Variants in ARIH1 observed in about 807,000 individuals in gnomAD.
ARIH1 encodes E3 ubiquitin-protein ligase ARIH1.
A neutral mutation model predicts 85.0 loss-of-function variants in ARIH1; 8 were observed. The ratio of observed to expected loss-of-function variants is 0.09; its 90% confidence interval spans 0.06 to 0.17. The LOEUF (loss-of-function observed/expected upper bound fraction) is 0.17. Among genes scored for constraint, ARIH1 ranks in the 10% least tolerant of loss-of-function variants. The pLI, the probability that ARIH1 is intolerant of heterozygous loss-of-function variation, is 1.00. For synonymous variants in ARIH1, 238 were observed against 253.6 expected (o/e 0.94, Z 0.59); for missense variants, 311 against 718.1 (o/e 0.43, Z 6.48).
intron 1 of ARIH1, among the ~76,000 whole-genome samples, chr15:72,514,727 C>T (rs145185724): frequency 1.4e-3 from 204 of 148,040 alleles, no homozygotes; most frequent in South Asian, 0.013. Flanking sequence ...GGATTTTGGC[C>T]AGGCGCAGTG....
At chr15:72,476,538 G>A (rs1030863584) in intron 1 of ARIH1, among the ~76,000 whole-genome samples, 7 of 151,788 alleles carry the variant, frequency 4.6e-5, no homozygotes, top group East Asian at 1.9e-4. Flanking sequence ...CTAATTTTTT[G>A]TATTTTTAGT....
Position 72,587,492 on chromosome 15 carries a change from T to C in ARIH1, c.*4200T>C, listed in dbSNP as rs1310729980. ...AGTAATTTGCAGTTGTTGGTTTAGT[T>C]ATTCAAATGAATTTCCATTGTAAAG... On this transcript the variant is annotated 3_prime_UTR_variant, in exon 14 of 14. Coordinates refer to ENST00000379887, the MANE Select transcript of ARIH1 (RefSeq NM_005744.5). The C allele has an allele frequency of 3.8e-6, 1 of 265,314 alleles. No homozygotes were observed. Among genetic ancestry groups the C allele is most frequent in the Non-Finnish European group, 7.4e-6 (1 of 135,464 alleles). The allele number at this position is 265,314 out of a possible 1,614,324, so 16.4% of individuals were successfully genotyped here. A position where few individuals can be genotyped will look rare whatever the true frequency, so the allele number is the denominator to read the frequency against.
intron 11 of ARIH1, among the ~76,000 whole-genome samples, chr15:72,579,810 T>A (rs2064288114): frequency 6.6e-6 from 1 of 152,188 alleles, no homozygotes; most frequent in Non-Finnish European, 1.5e-5. Flanking sequence ...TTTTAAATTA[T>A]TAATATTTTT....
At chr15:72,569,758 A>G (rs994809707) in intron 9 of ARIH1, among the ~76,000 whole-genome samples, 3 of 152,176 alleles carry the variant, frequency 2.0e-5, no homozygotes, top group Admixed American at 6.6e-5. Context: ...TGTTATTACT[A>G]TATATATGAC....
chr15:72,554,353 A>G lies in ARIH1; in HGVS notation c.589-918A>G, dbSNP rs990019240. Among the ~76,000 whole-genome samples, 8 of 152,042 alleles carry G rather than the reference A, an allele frequency of 5.3e-5. No individual in the cohort carries two copies. The South Asian group carries it at 8.3e-4, about 16-fold the overall frequency. ...CCATCAACAGTGTACGAAGGCTCCA[A>G]TTTTTCTACATCCTCACCAACACTT... On this transcript the variant is annotated intron_variant, in intron 3 of 13. Transcript: ENST00000379887.
intron 2 of ARIH1, among the ~76,000 whole-genome samples, chr15:72,535,202 C>T (rs921649284): frequency 2.5e-4 from 38 of 151,990 alleles, no homozygotes; most frequent in African/African-American, 7.7e-4. Context: ...CCACCCGCCT[C>T]GGCCTCCCAA....
At chr15:72,510,645 C>G (rs3109087) in intron 1 of ARIH1, among the ~76,000 whole-genome samples, 1 of 131,888 alleles carries the variant, frequency 7.6e-6, no homozygotes, top group South Asian at 2.4e-4. Context: ...GCTGAGGCAG[C>G]AGAATGATGT....
chr15:72,563,557 T>C (rs1567357251), intron 7 of ARIH1, 57 bp downstream of exon 7: 9 of 1,440,886 alleles, frequency 6.2e-6, no homozygotes, highest in Non-Finnish European at 8.8e-6. Context: ...ATTTCTCCTG[T>C]TTATTCTTGG....
chr15:72,548,694 T>C (rs1404458991), intron 3 of ARIH1, among the ~76,000 whole-genome samples: 1 of 152,206 alleles, frequency 6.6e-6, no homozygotes, highest in African/African-American at 2.4e-5. Context: ...TGGAAGTAAA[T>C]GTCACCTGAA....
At chr15:72,546,426 G>GTA (rs1272007326) in intron 3 of ARIH1, among the ~76,000 whole-genome samples, 3 of 152,152 alleles carry the variant, frequency 2.0e-5, no homozygotes, top group Non-Finnish European at 4.4e-5. Context: ...AGTTCTGATC[G>GTA]TAACTCTAAC....
rs537073896 is a variant in ARIH1 at position 72,557,856 on chromosome 15, T to C, written c.737+1949T>C. The stretch of plus-strand genomic sequence containing the variant: ...AATTTGGCGCTTACCTTGAATGTTA[T>C]TGGTATATATTAAATGCTACTGAAT... On this transcript the variant is annotated intron_variant, in intron 5 of 13. Transcript: ENST00000379887. Among the ~76,000 whole-genome samples the C allele has an allele frequency of 1.5e-4, 23 of 152,324 alleles. No homozygotes were observed. The South Asian group carries it at 4.4e-3, about 29-fold the overall frequency.
chr15:72,540,586 G>C (rs1248179212), intron 2 of ARIH1, among the ~76,000 whole-genome samples: 2 of 152,058 alleles, frequency 1.3e-5, no homozygotes, highest in African/African-American at 4.8e-5. Flanking sequence ...TGGATTTTTA[G>C]CTTCCCACTC....
At chr15:72,521,018 A>AT (rs2063997235) in intron 2 of ARIH1, among the ~76,000 whole-genome samples, 1 of 151,402 alleles carries the variant, frequency 6.6e-6, no homozygotes, top group East Asian at 1.9e-4. Context: ...TAGTTTTTAT[A>AT]TTTTTTTGTA....
rs28635032 is a variant in ARIH1, at chr15:72,576,033, G to T, written c.1215+3868G>T. On this transcript the variant is annotated intron_variant, in intron 11 of 13. Transcript: ENST00000379887. ...CGCGCCCAACTTGTGTTGGTTTTTTGAAGTGTTTCGTTGTATAATGCTGGA... is the reference window on the plus strand; with the variant it reads ...CGCGCCCAACTTGTGTTGGTTTTTTTAAGTGTTTCGTTGTATAATGCTGGA... Among the ~76,000 whole-genome samples the T allele has an allele frequency of 6.8e-3, 1,029 of 152,178 alleles. 8 individuals are homozygous for T. The highest frequency in any genetic ancestry group is 0.024 in the African/African-American group (978 of 41,520).
At chr15:72,556,892 G>C (rs2064176876) in intron 5 of ARIH1, among the ~76,000 whole-genome samples, 1 of 152,166 alleles carries the variant, frequency 6.6e-6, no homozygotes, top group South Asian at 2.1e-4. Context: ...GGACATGATT[G>C]TGCTCACTTT....
In ARIH1 at chr15:72,556,630, C is replaced by A. The variant is rs183736702; in HGVS notation, c.737+723C>A. Reference sequence around the variant, plus strand: ...TGCAGGTTTGTTACATGGGTAAATTCCTTGTCCGTGAGGTTTGGTGTACAA... The same window carrying A: ...TGCAGGTTTGTTACATGGGTAAATTACTTGTCCGTGAGGTTTGGTGTACAA... On this transcript the variant is annotated intron_variant, in intron 5 of 13. Transcript: ENST00000379887. Among the ~76,000 whole-genome samples the A allele has an allele frequency of 1.1e-4, 17 of 152,242 alleles. 1 individual carries two copies. Among genetic ancestry groups the A allele is most frequent in the Admixed American group, 1.0e-3 (16 of 15,298 alleles).
Position 72,584,172 on chromosome 15 carries a change from A to G in ARIH1, c.*880A>G, listed in dbSNP as rs1187988662. ...GGTGTTGGTATGTCTGTTGCCGGCC[A>G]TGGGCCTCATGCCTTGAATTCCTGC... On this transcript the variant is annotated 3_prime_UTR_variant, in exon 14 of 14. Coordinates refer to ENST00000379887, the MANE Select transcript of ARIH1 (RefSeq NM_005744.5). The G allele has an allele frequency of 6.6e-6, 1 of 152,204 alleles. No individual in the cohort carries two copies. The highest frequency in any genetic ancestry group is 1.5e-5 in the Non-Finnish European group (1 of 68,076). 9.4% of individuals were successfully genotyped at this position (152,204 alleles called of 1,614,324 possible).
intron 5 of ARIH1, 63 bp from the exon 6 acceptor site, chr15:72,561,420 T>C: frequency 1.6e-6 from 2 of 1,253,242 alleles, no homozygotes; most frequent in Non-Finnish European, 2.3e-6. Context: ...AAACTATGTT[T>C]TATAAATGTG....
At chr15:72,534,335 G>T (rs1204434308) in intron 2 of ARIH1, among the ~76,000 whole-genome samples, 4 of 151,972 alleles carry the variant, frequency 2.6e-5, no homozygotes, top group African/African-American at 7.3e-5. Context: ...GTTTAGGGGG[G>T]CTTGTAGAGT....
Sources: allele counts gnomAD v4.1 joint callset (sites outside exome capture counted in the v4.1 genomes callset), GRCh38; gene constraint gnomAD v4.1.1; transcripts MANE v1.5; gene names NCBI Gene and HGNC (gene_info 2026-07-23, HGNC 2026-07-21).